PPARGC1A: variants seen among roughly 807,000 people sequenced by gnomAD.
PPARGC1A encodes the protein PPARG coactivator 1 alpha, also known as peroxisome proliferator-activated receptor gamma coactivator 1-alpha.
Under a neutral mutation model 88.7 loss-of-function variants are expected in PPARGC1A, and 25 were observed. The ratio of observed to expected loss-of-function variants is 0.28; its 90% CI spans 0.21 to 0.39. PPARGC1A has a LOEUF of 0.39. Ranked by LOEUF, PPARGC1A falls within the 10% of genes least tolerant of loss-of-function variation. The pLI is 1.00. For synonymous variants in PPARGC1A, 363 were observed against 355.6 expected, an observed-to-expected ratio of 1.02 and a Z score of -0.24; for missense variants, 880 against 968.7, an observed-to-expected ratio of 0.91 and a Z score of 1.22.
chr4:24,342,748 AC>A, the PPARGC1A span, among the ~76,000 whole-genome samples: 8 of 152,208 alleles, frequency 5.3e-5, no homozygotes, highest in South Asian at 1.0e-3. Flanking sequence ...GAAAAATTGG[AC>A]AGACTCTGAC....
Position 23,879,025 on chromosome 4 carries a change from G to A in PPARGC1A, c.234+5727C>T, listed in dbSNP as rs981354655. Among the ~76,000 whole-genome samples the A allele has an allele frequency of 2.0e-5, 3 of 151,216 alleles. No homozygotes were observed. The East Asian group carries it at 5.8e-4, about 29-fold the overall frequency. On this transcript the variant is annotated intron_variant, in intron 2 of 12. Coordinates refer to ENST00000264867, the MANE Select transcript of PPARGC1A (RefSeq NM_013261.5). Reference sequence around the variant, plus strand: ...CCAAGTGTGGCAAAAATCTGGCTGTGGGCCGTAAATTTAATTTAAATGACA... The same window carrying A: ...CCAAGTGTGGCAAAAATCTGGCTGTAGGCCGTAAATTTAATTTAAATGACA...
At chr4:24,294,430 T>A in the PPARGC1A span, among the ~76,000 whole-genome samples, 1 of 152,214 alleles carries the variant, frequency 6.6e-6, no homozygotes, top group South Asian at 2.1e-4. Context: ...AAAAATTTAT[T>A]CACTCTGGGG....
At chr4:24,428,542 AG>A in the PPARGC1A span, among the ~76,000 whole-genome samples, 1 of 152,236 alleles carries the variant, frequency 6.6e-6, no homozygotes, top group Non-Finnish European at 1.5e-5. Flanking sequence ...ACAAAATATA[AG>A]GAATTTCTCA....
chr4:24,470,271 G>GACACACACACACACACACACAC, the PPARGC1A span, among the ~76,000 whole-genome samples: 5 of 71,966 alleles, frequency 6.9e-5, 1 homozygote, highest in South Asian at 1.1e-3. This position sits in a 1 kb window ranked among gnomAD's most constrained non-coding sequence, Gnocchi z 5.8. Flanking sequence ...CTCATCGACA[G>GACACACACACACACACACACAC]ACACAGACAC....
the PPARGC1A span, among the ~76,000 whole-genome samples, chr4:24,077,091 G>T: frequency 1.3e-5 from 2 of 152,000 alleles, no homozygotes; most frequent in Non-Finnish European, 2.9e-5. Context: ...CAACAGATCA[G>T]TTCCACTTTT....
At chr4:24,229,843 C>CAAA in the PPARGC1A span, among the ~76,000 whole-genome samples, 79 of 130,802 alleles carry the variant, frequency 6.0e-4, no homozygotes, top group South Asian at 8.6e-3. Context: ...AAAACTGTCT[C>CAAA]AAAAAAAAAA....
chr4:24,052,675 C>T, the PPARGC1A span, among the ~76,000 whole-genome samples: 17 of 151,018 alleles, frequency 1.1e-4, no homozygotes, highest in African/African-American at 3.6e-4. Context: ...AAAAAGTCTA[C>T]ATTTCCAGTG....
the PPARGC1A span, among the ~76,000 whole-genome samples, chr4:24,266,000 G>A: frequency 6.6e-6 from 1 of 152,102 alleles, no homozygotes; most frequent in Admixed American, 6.5e-5. Flanking sequence ...GGCTACAAAT[G>A]CACAGATTTA....
chr4:23,892,682 C>G (rs912615864), upstream of PPARGC1A, among the ~76,000 whole-genome samples: 1 of 152,144 alleles, frequency 6.6e-6, no homozygotes, highest in South Asian at 2.1e-4. Flanking sequence ...CTACCCACAG[C>G]CCTCCTTTCA....
chr4:24,409,221 G>A, the PPARGC1A span, among the ~76,000 whole-genome samples: 96 of 152,156 alleles, frequency 6.3e-4, no homozygotes, highest in Non-Finnish European at 9.4e-4. Flanking sequence ...TAGTGTATGT[G>A]GTAGGCATCA....
At chr4:24,175,774 A>G in the PPARGC1A span, among the ~76,000 whole-genome samples, 30 of 152,048 alleles carry the variant, frequency 2.0e-4, no homozygotes, top group African/African-American at 7.2e-4. Context: ...AAATAATAAA[A>G]TATTTTTAAA....
At chr4:24,257,384 C>A in the PPARGC1A span, among the ~76,000 whole-genome samples, 1 of 152,080 alleles carries the variant, frequency 6.6e-6, no homozygotes, top group South Asian at 2.1e-4. Flanking sequence ...GTGACAGCCA[C>A]CTTTTAAAAG....
chr4:24,120,850 C>T, the PPARGC1A span, among the ~76,000 whole-genome samples: 2 of 152,154 alleles, frequency 1.3e-5, no homozygotes, highest in Non-Finnish European at 2.9e-5. Context: ...TCTTGGACTT[C>T]CCAGCCTCCA....
chr4:24,352,625 C>T, the PPARGC1A span, among the ~76,000 whole-genome samples: 1 of 152,204 alleles, frequency 6.6e-6, no homozygotes, highest in African/African-American at 2.4e-5. Context: ...GAAGCTGGGG[C>T]TGCTGTAGGC....
the PPARGC1A span, among the ~76,000 whole-genome samples, chr4:24,365,007 G>A: frequency 2.0e-5 from 3 of 152,070 alleles, no homozygotes; most frequent in African/African-American, 4.8e-5. Flanking sequence ...GCACAGAGAA[G>A]GCGCCTTTTG....
the PPARGC1A span, among the ~76,000 whole-genome samples, chr4:24,239,644 G>A: frequency 6.6e-6 from 1 of 152,152 alleles, no homozygotes; most frequent in South Asian, 2.1e-4. Flanking sequence ...GGAAAATAGT[G>A]CATAGGCAGA....
chr4:24,162,601 T>A, the PPARGC1A span, among the ~76,000 whole-genome samples: 1 of 151,316 alleles, frequency 6.6e-6, no homozygotes, highest in African/African-American at 2.4e-5. Flanking sequence ...CTTTTTTTTT[T>A]TTTTTTTGAG....
chr4:24,164,384 C>G, the PPARGC1A span, among the ~76,000 whole-genome samples: 1 of 152,132 alleles, frequency 6.6e-6, no homozygotes, highest in East Asian at 1.9e-4. Context: ...AAATGTGTCT[C>G]CCCTCATGCT....
chr4:24,401,825 T>C, the PPARGC1A span, among the ~76,000 whole-genome samples: 1 of 152,188 alleles, frequency 6.6e-6, no homozygotes, highest in Non-Finnish European at 1.5e-5. Context: ...GGTTGGTACA[T>C]GTGAAGTGCC....
Sources: allele counts gnomAD v4.1 joint callset (sites outside exome capture counted in the v4.1 genomes callset), GRCh38; gene constraint gnomAD v4.1.1; non-coding constraint Gnocchi (gnomAD v3.1); transcripts MANE v1.5; gene names NCBI Gene and HGNC (gene_info 2026-07-23, HGNC 2026-07-21).